MCTP2: variants seen among roughly 807,000 people sequenced by gnomAD.
MCTP2 encodes multiple C2 and transmembrane domain-containing protein 2.
In MCTP2, 132 loss-of-function variants were observed where a neutral mutation model predicts 111.6. That is an observed-to-expected ratio of 1.18 (90% CI 1.03 to 1.37). The LOEUF (loss-of-function observed/expected upper bound fraction) is 1.37. Ranked by LOEUF, MCTP2 falls within the 40% of genes most tolerant of loss-of-function variation. The pLI is 0.00. For synonymous variants in MCTP2, 395 were observed against 387.7 expected, an observed-to-expected ratio of 1.02 and a Z score of -0.22; for missense variants, 1,183 against 1,067.9, an observed-to-expected ratio of 1.11 and a Z score of -1.50.
intron 8 of MCTP2, among the ~76,000 whole-genome samples, chr15:94,352,865 C>T (rs2078382248): frequency 6.6e-6 from 1 of 152,204 alleles, no homozygotes; most frequent in Non-Finnish European, 1.5e-5. Flanking sequence ...ACCCCAGACT[C>T]CCTGGTCTGA....
rs1374547205 is a variant in MCTP2 at position 94,242,921 on chromosome 15, G to GTACACATATACACGTGTATATGTAGA, written c.-66+11281_-66+11306dup. 2.8e-5 allele frequency among the ~76,000 whole-genome samples: 4 copies of GTACACATATACACGTGTATATGTAGA among 143,736 alleles called. No individual in the cohort carries two copies. In the East Asian group the frequency reaches 6.5e-4, roughly 24 times the overall value. The allele number at this position is 143,736 out of a possible 152,430, so 94.3% of individuals were successfully genotyped here. A position where few individuals can be genotyped will look rare whatever the true frequency, so the allele number is the denominator to read the frequency against. ...TATATATATGTATACACATATACAC[G>GTACACATATACACGTGTATATGTAGA]TACACATATACACGTGTATATGTAG... On this transcript the variant is annotated intron_variant, in intron 1 of 22. Coordinates refer to ENST00000357742, the MANE Select transcript of MCTP2 (RefSeq NM_001385001.1).
At chr15:94,454,096 AATT>A (rs2084645669) in intron 19 of MCTP2, among the ~76,000 whole-genome samples, 1 of 152,220 alleles carries the variant, frequency 6.6e-6, no homozygotes, top group African/African-American at 2.4e-5. Flanking sequence ...AACTTTGTGA[AATT>A]ATTTTCATTT....
chr15:94,248,665 A>G (rs964783582), intron 1 of MCTP2, among the ~76,000 whole-genome samples: 1 of 152,080 alleles, frequency 6.6e-6, no homozygotes, highest in Non-Finnish European at 1.5e-5. Flanking sequence ...TGGAAATTAG[A>G]GCTTCCTCTA....
intron 12 of MCTP2, among the ~76,000 whole-genome samples, 155 bp downstream of exon 12, chr15:94,370,335 A>G (rs953218786): frequency 5.9e-5 from 9 of 152,208 alleles, no homozygotes; most frequent in Non-Finnish European, 2.9e-5. Context: ...GACTTGAGCA[A>G]TTTCTTTCAC....
intron 2 of MCTP2, among the ~76,000 whole-genome samples, chr15:94,303,908 G>A (rs2075765092): frequency 2.6e-5 from 4 of 152,116 alleles, no homozygotes; most frequent in African/African-American, 9.7e-5. Flanking sequence ...CTGTTCTCTG[G>A]AGAAATCTGT....
At chr15:94,407,497 T>C (rs891027554) in intron 17 of MCTP2, among the ~76,000 whole-genome samples, 14 of 152,218 alleles carry the variant, frequency 9.2e-5, no homozygotes, top group Non-Finnish European at 1.6e-4. Context: ...GTGACTTTTT[T>C]CCGATTTTTT....
intron 1 of MCTP2, among the ~76,000 whole-genome samples, chr15:94,241,850 T>TAA (rs1216436235): frequency 1.3e-5 from 2 of 151,728 alleles, no homozygotes; most frequent in Non-Finnish European, 2.9e-5. Flanking sequence ...TTTTTGTCTT[T>TAA]AAAATGTCAT....
intron 10 of MCTP2, among the ~76,000 whole-genome samples, chr15:94,361,372 A>G (rs1025387453): frequency 1.3e-5 from 2 of 152,102 alleles, no homozygotes; most frequent in African/African-American, 2.4e-5. Context: ...GTGGGAGGGA[A>G]GGAACATCAG....
At position 94,442,902 on chromosome 15, in the gene MCTP2, G is replaced by T. The variant is rs769777385; in HGVS notation, c.2209-17G>T. ...TTTCGGTTGATGTTTCTATAAACAC[G>T]TGGGATTTCCTTTCAGGAGAGCACA... On this transcript the variant is annotated splice_polypyrimidine_tract_variant and intron_variant, in intron 18 of 22. Transcript: ENST00000357742. 2 of 1,611,464 alleles carry T rather than the reference G, an allele frequency of 1.2e-6. No individual in the cohort carries two copies. The highest frequency in any genetic ancestry group is 3.3e-5 in the Admixed American group (2 of 59,838).
chr15:94,233,942 A>G (rs1162572676), intron 1 of MCTP2, among the ~76,000 whole-genome samples: 1 of 152,218 alleles, frequency 6.6e-6, no homozygotes, highest in Non-Finnish European at 1.5e-5. Flanking sequence ...ATTACCTTGA[A>G]TTGTTGCCAG....
rs1304109092 is a variant in MCTP2, at chr15:94,240,071, T to C, written c.-66+8407T>C. 3.3e-5 allele frequency among the ~76,000 whole-genome samples: 5 copies of C among 152,260 alleles called. 1 individual carries two copies. In the East Asian group the frequency reaches 9.6e-4, roughly 29 times the overall value. On this transcript the variant is annotated intron_variant, in intron 1 of 22. Transcript: ENST00000357742. ...GCTGTGCCTTTTCATTGGTAGTTTT[T>C]TTTTTGTTTGTTTTGTTTTTTAAGT...
chr15:94,310,554 C>G (rs1482951236), intron 2 of MCTP2, among the ~76,000 whole-genome samples: 1 of 151,866 alleles, frequency 6.6e-6, no homozygotes, highest in Non-Finnish European at 1.5e-5. Context: ...TGTGGGAGGC[C>G]AAGGCGGGAA....
chr15:94,402,314 A>T, intron 17 of MCTP2: 1 of 985,278 alleles, frequency 1.0e-6, no homozygotes, highest in Non-Finnish European at 1.2e-6. Context: ...TGTGCCAGTG[A>T]CCGCCCATAA....
chr15:94,246,983 A>G (rs1310866249), intron 1 of MCTP2, among the ~76,000 whole-genome samples: 2 of 152,024 alleles, frequency 1.3e-5, no homozygotes, highest in South Asian at 2.1e-4. Context: ...TTTTAAGACA[A>G]ACTCCCATGA....
Position 94,367,604 on chromosome 15 carries a change from G to C in MCTP2, c.1302-1G>C, listed in dbSNP as rs749674319. ...TCTCTTGATTCCTGAAACTTTTCTA[G>C]GTGTAAAGTGGATATCTCGGCACTC... On this transcript the variant is annotated splice_acceptor_variant, in intron 10 of 22. Coordinates refer to ENST00000357742, the MANE Select transcript of MCTP2 (RefSeq NM_001385001.1). LOFTEE classifies it high-confidence loss of function. 4 of 1,605,904 alleles carry C rather than the reference G, an allele frequency of 2.5e-6. No individual in the cohort carries two copies. The South Asian group carries it at 4.4e-5, about 18-fold the overall frequency.
intron 1 of MCTP2, among the ~76,000 whole-genome samples, chr15:94,285,616 A>G (rs1351292765): frequency 2.0e-5 from 3 of 152,234 alleles, no homozygotes; most frequent in African/African-American, 7.2e-5. Flanking sequence ...CAAGATAGTA[A>G]CTGTAAATAT....
intron 10 of MCTP2, among the ~76,000 whole-genome samples, chr15:94,362,694 T>C (rs1320345512): frequency 9.2e-5 from 14 of 152,354 alleles, no homozygotes; most frequent in Admixed American, 8.5e-4. Context: ...CCCTTGCCTT[T>C]GAGTTAAAAG....
At chr15:94,367,240 A>C (rs2079232942) in intron 10 of MCTP2, among the ~76,000 whole-genome samples, 1 of 152,152 alleles carries the variant, frequency 6.6e-6, no homozygotes, top group Non-Finnish European at 1.5e-5. Context: ...TAAAAGGCAC[A>C]GCCCACGGAA....
chr15:94,435,037 T>C (rs2083394969), intron 17 of MCTP2, among the ~76,000 whole-genome samples: 1 of 152,074 alleles, frequency 6.6e-6, no homozygotes, highest in South Asian at 2.1e-4. Context: ...CTAATTTTTC[T>C]ATTTTTAGTA....
Sources: gnomAD v4.1 joint callset for allele counts (sites outside exome capture counted in the v4.1 genomes callset) on GRCh38, gnomAD v4.1.1 for gene constraint, MANE v1.5 for transcripts, NCBI Gene and HGNC (gene_info 2026-07-23, HGNC 2026-07-21) for gene names.